The following TNFRSF1A variants were observed in gnomAD, a reference collection of about 807,000 sequenced individuals.
TNFRSF1A encodes the protein TNF receptor superfamily member 1A.
TNFRSF1A carries 9 observed loss-of-function variants against 41.6 expected under a neutral mutation model. The ratio of observed to expected loss-of-function variants is 0.22; its 90% CI spans 0.13 to 0.38. The LOEUF (loss-of-function observed/expected upper bound fraction) is 0.38. Ranked by LOEUF, TNFRSF1A falls within the 10% of genes least tolerant of loss-of-function variation. TNFRSF1A has a pLI of 1.00. For synonymous variants in TNFRSF1A, 254 were observed against 248.6 expected (o/e 1.02, Z -0.21); for missense variants, 463 against 591.5 (o/e 0.78, Z 2.25).
chr12:6,332,442 A>AAAAAAAAACAC (rs1948063251), intron 5 of TNFRSF1A, among the ~76,000 whole-genome samples: 1 of 150,834 alleles, frequency 6.6e-6, no homozygotes, highest in Non-Finnish European at 1.5e-5. Context: ...TCAAAAAAAA[A>AAAAAAAAACAC]AAAAAAAAAA....
chr12:6,332,553 CAG>C (rs1230134164), intron 5 of TNFRSF1A, among the ~76,000 whole-genome samples: 1 of 151,868 alleles, frequency 6.6e-6, no homozygotes, highest in East Asian at 1.9e-4. Context: ...TGAGAGCCCT[CAG>C]AGTTTATTCT....
chr12:6,335,394 C>G (rs1948107769), intron 1 of TNFRSF1A, among the ~76,000 whole-genome samples: 1 of 152,138 alleles, frequency 6.6e-6, no homozygotes, highest in African/African-American at 2.4e-5. Flanking sequence ...ACTGTCAGGT[C>G]AGAGCTGAGG....
chr12:6,330,956 A>G (rs963447552), intron 5 of TNFRSF1A, 30 bp from the exon 6 acceptor site: 3 of 1,595,240 alleles, frequency 1.9e-6, no homozygotes, highest in South Asian at 2.2e-5. Context: ...TGGTGAACAG[A>G]GGCCCTACCA....
At position 6,330,944 on chromosome 12, in the gene TNFRSF1A, A is replaced by T; in HGVS notation, c.552-18T>A. The T allele has an allele frequency of 7.5e-6, 12 of 1,610,530 alleles. No individual in the cohort carries two copies. Among genetic ancestry groups the T allele is most frequent in the Non-Finnish European group, 1.0e-5 (12 of 1,177,658 alleles). ...TCTTACAGCTAAAAGAAGAGACGGC[A>T]CTGGTGAACAGAGGCCCTACCATTG... On this transcript the variant is annotated intron_variant, in intron 5 of 9. Transcript: ENST00000162749.
At chr12:6,336,995 T>TA (rs1337943125) in intron 1 of TNFRSF1A, among the ~76,000 whole-genome samples, 1 of 152,092 alleles carries the variant, frequency 6.6e-6, no homozygotes, top group Non-Finnish European at 1.5e-5. Flanking sequence ...CCACTGGCAA[T>TA]ACAGGAAAGC....
rs1948085878 is a variant in TNFRSF1A, at chr12:6,333,922, T to C, written c.194-57A>G. On this transcript the variant is annotated intron_variant, in intron 2 of 9. Coordinates refer to ENST00000162749, the MANE Select transcript of TNFRSF1A (RefSeq NM_001065.4). The surrounding 1 kb of genome is among the most constrained non-coding windows in gnomAD (Gnocchi z 6.3). ...GTGAGAACACAAGGAAGGAGCCCCA[T>C]GCTAGGGACAACAGCCAGGGCCGAT... The C allele has an allele frequency of 1.9e-6, 3 of 1,602,586 alleles. No homozygotes were observed. The highest frequency in any genetic ancestry group is 1.3e-5 in the African/African-American group (1 of 74,632).
At chr12:6,336,626 G>A (rs1948123361) in intron 1 of TNFRSF1A, among the ~76,000 whole-genome samples, 1 of 152,144 alleles carries the variant, frequency 6.6e-6, no homozygotes, top group African/African-American at 2.4e-5. Context: ...CATCCCGAAG[G>A]GAAGTCTCCC....
chr12:6,331,030 G>T, intron 5 of TNFRSF1A, 104 bp from the exon 6 acceptor site: 2 of 958,938 alleles, frequency 2.1e-6, no homozygotes, highest in Non-Finnish European at 3.3e-6. Context: ...AAATATTTTT[G>T]CTGTCTCTTG....
Position 6,330,938 on chromosome 12 carries a change from G to T in TNFRSF1A, c.552-12C>A, listed in dbSNP as rs1208890021. ...GGCTTTTCTTACAGCTAAAAGAAGA[G>T]ACGGCACTGGTGAACAGAGGCCCTA... On this transcript the variant is annotated splice_polypyrimidine_tract_variant and intron_variant, in intron 5 of 9. Coordinates refer to ENST00000162749, the MANE Select transcript of TNFRSF1A (RefSeq NM_001065.4). The T allele has an allele frequency of 5.0e-6, 8 of 1,612,366 alleles. No individual in the cohort carries two copies. The highest frequency in any genetic ancestry group is 4.5e-5 in the East Asian group (2 of 44,894).
At chr12:6,339,613 C>T (rs1291592573) in intron 1 of TNFRSF1A, among the ~76,000 whole-genome samples, 1 of 152,160 alleles carries the variant, frequency 6.6e-6, no homozygotes, top group East Asian at 1.9e-4. Flanking sequence ...CACCTCCTTC[C>T]CCAGTTCCTC....
rs1015923606 is a variant in TNFRSF1A, at chr12:6,341,050, G to A, written c.39+726C>T. ...AGGTGGGGGTAGGACTAGCTCCCTG[G>A]GAAGGCTCAGTCCCACAGCGGCTAC... is the stretch of plus-strand genomic sequence containing the variant. On this transcript the variant is annotated intron_variant, in intron 1 of 9. Coordinates refer to ENST00000162749, the MANE Select transcript of TNFRSF1A (RefSeq NM_001065.4). This position sits in a 1 kb window ranked among gnomAD's most constrained non-coding sequence, Gnocchi z 4.6. 1.3e-5 allele frequency among the ~76,000 whole-genome samples: 2 copies of A among 152,162 alleles called. No individual in the cohort carries two copies. The highest frequency in any genetic ancestry group is 4.8e-5 in the African/African-American group (2 of 41,428).
chr12:6,338,151 G>A (rs945500502), intron 1 of TNFRSF1A, among the ~76,000 whole-genome samples: 1 of 152,094 alleles, frequency 6.6e-6, no homozygotes, highest in African/African-American at 2.4e-5. Context: ...CTTGGTAGGC[G>A]CACCCTTCCA....
At position 6,330,301 on chromosome 12, in the gene TNFRSF1A, G is replaced by T. The variant is rs926846102; in HGVS notation, c.740-6C>A. ...AGGTGTCGATTTCCCACAAACTGAG[G>T]AAAAAGAAAGAAAGCATCATAAATT... On this transcript the variant is annotated splice_region_variant and splice_polypyrimidine_tract_variant and intron_variant, in intron 7 of 9. Transcript: ENST00000162749. 12 of 1,613,166 alleles carry T rather than the reference G, an allele frequency of 7.4e-6. No homozygotes were observed. Among genetic ancestry groups the T allele is most frequent in the East Asian group, 6.7e-5 (3 of 44,872 alleles).
chr12:6,338,929 T>C (rs1312652795), intron 1 of TNFRSF1A, among the ~76,000 whole-genome samples: 3 of 152,156 alleles, frequency 2.0e-5, no homozygotes, highest in African/African-American at 7.2e-5. Flanking sequence ...AGCACCCATC[T>C]GAGATGCCTC....
At chr12:6,330,384 G>T in intron 7 of TNFRSF1A, 89 bp from the exon 8 acceptor site, 3 of 1,323,260 alleles carry the variant, frequency 2.3e-6, no homozygotes, top group East Asian at 2.3e-5. Context: ...GACTTGTGGT[G>T]ACATGCCTCA....
At position 6,333,360 on chromosome 12, in the gene TNFRSF1A, C is replaced by A. The variant is rs200194581; in HGVS notation, c.472+7G>T. 3.4e-5 allele frequency: 55 copies of A among 1,612,884 alleles called. No individual in the cohort carries two copies. The highest frequency in any genetic ancestry group is 4.2e-5 in the Non-Finnish European group (49 of 1,179,602). On this transcript the variant is annotated splice_region_variant and intron_variant, in intron 4 of 9. Transcript: ENST00000162749. The surrounding 1 kb of genome is among the most constrained non-coding windows in gnomAD (Gnocchi z 6.3). ...AGAGGGCTTGGCCTCAGGAGAGCTG[C>A]GCTCACAGGAGAGGTGCACGGTCCC...
intron 1 of TNFRSF1A, among the ~76,000 whole-genome samples, chr12:6,335,278 T>C (rs1403082609): frequency 6.6e-6 from 1 of 152,110 alleles, no homozygotes; most frequent in Non-Finnish European, 1.5e-5. Context: ...TTGGGGATCC[T>C]GCATGGGTAG....
At position 6,341,646 on chromosome 12, in the gene TNFRSF1A, C is replaced by T. The variant is rs368245622; in HGVS notation, c.39+130G>A. ...CACTGGCAGTGGCTGAGGTTAGGAC[C>T]TGCAGGCCTGAGGCTGGCGCCAGGA... is the stretch of plus-strand genomic sequence containing the variant. On this transcript the variant is annotated intron_variant, in intron 1 of 9. Coordinates refer to ENST00000162749, the MANE Select transcript of TNFRSF1A (RefSeq NM_001065.4). This position sits in a 1 kb window ranked among gnomAD's most constrained non-coding sequence, Gnocchi z 4.6. 3 of 1,065,028 alleles carry T rather than the reference C, an allele frequency of 2.8e-6. No individual in the cohort carries two copies. Among genetic ancestry groups the T allele is most frequent in the African/African-American group, 3.1e-5 (2 of 64,076 alleles). The allele number at this position is 1,065,028 out of a possible 1,614,324, so 66.0% of individuals were successfully genotyped here.
intron 5 of TNFRSF1A, among the ~76,000 whole-genome samples, chr12:6,332,277 A>C (rs1051803061): frequency 1.3e-5 from 2 of 151,962 alleles, no homozygotes; most frequent in African/African-American, 2.4e-5. Context: ...CTGTCTCTAC[A>C]AAAAGTAAAA....
Sources: gnomAD v4.1 joint callset for allele counts (sites outside exome capture counted in the v4.1 genomes callset) on GRCh38, gnomAD v4.1.1 for gene constraint, Gnocchi (gnomAD v3.1) non-coding constraint, MANE v1.5 for transcripts, NCBI Gene and HGNC (gene_info 2026-07-23, HGNC 2026-07-21) for gene names.